DLG3: variants seen among roughly 807,000 people sequenced by gnomAD.
DLG3 encodes the protein discs large MAGUK scaffold protein 3.
A neutral mutation model predicts 64.1 loss-of-function variants in DLG3; 1 was observed. That is an observed-to-expected ratio of 0.02 (90% CI 0.01 to 0.07). DLG3 has a LOEUF of 0.07. Among genes scored for constraint, DLG3 ranks in the 10% least tolerant of loss-of-function variants. The pLI is 1.00. For missense variants in DLG3, 429 were observed against 669.5 expected (o/e 0.64, Z 3.96); for synonymous variants, 245 against 259.8 (o/e 0.94, Z 0.55).
intron 10 of DLG3, among the ~76,000 whole-genome samples, chrX:70,482,705 G>A (rs1208935951): frequency 3.7e-5 from 3 of 80,729 alleles, no homozygotes; most frequent in Admixed American, 1.8e-4. Context: ...TCGCTCTGTC[G>A]CCCAGGCTGG....
chrX:70,448,311 G>C (rs966128451), intron 1 of DLG3, among the ~76,000 whole-genome samples: 1 of 112,058 alleles, frequency 8.9e-6, no homozygotes, highest in African/African-American at 3.2e-5. Flanking sequence ...ATATCCTATT[G>C]CTCTGTCACT....
chrX:70,446,535 G>A (rs781403071), intron 1 of DLG3, among the ~76,000 whole-genome samples: 1 of 112,693 alleles, frequency 8.9e-6, no homozygotes, highest in East Asian at 2.8e-4. Context: ...GCAGAGACTG[G>A]CCCCAGTGGG....
intron 12 of DLG3, chrX:70,493,277 C>T (rs189016022): frequency 1.0e-5 from 7 of 681,222 alleles, no homozygotes; most frequent in East Asian, 3.6e-5. Flanking sequence ...TTTAGCTCAC[C>T]GTTGTCTCCA....
Position 70,502,350 on chromosome X carries a change from G to T in DLG3, c.*81G>T, listed in dbSNP as rs2087580552. 1.4e-6 allele frequency: 1 copy of T among 720,067 alleles called. No individual in the cohort carries two copies. Among genetic ancestry groups the T allele is most frequent in the Non-Finnish European group, 2.2e-6 (1 of 462,233 alleles). 59.3% of individuals were successfully genotyped at this position (720,067 alleles called of 1,213,427 possible). ...CCTCCCTCTTCATTCCTGTCCCCAT[G>T]GGGAGAACAAATGCTACTGTTCTTG... On this transcript the variant is annotated 3_prime_UTR_variant, in exon 19 of 19. Coordinates refer to ENST00000374360, the MANE Select transcript of DLG3 (RefSeq NM_021120.4).
chrX:70,475,355 T>TA (rs2087036246), intron 9 of DLG3, among the ~76,000 whole-genome samples: 1 of 111,298 alleles, frequency 9.0e-6, no homozygotes. Context: ...CATGGATGAT[T>TA]TTTTGTTTGT....
chrX:70,453,911 A>C, intron 8 of DLG3, 118 bp downstream of exon 8: 2 of 737,495 alleles, frequency 2.7e-6, no homozygotes, highest in Non-Finnish European at 3.9e-6. Flanking sequence ...TAAGGACTGG[A>C]GAAAACTTCT....
intron 9 of DLG3, among the ~76,000 whole-genome samples, chrX:70,473,401 C>T (rs1432748998): frequency 2.7e-5 from 3 of 110,024 alleles, no homozygotes; most frequent in African/African-American, 1.0e-4. Flanking sequence ...TGAACTCCAC[C>T]CCCTTCCCAC....
chrX:70,494,933 T>C (rs2087426114), intron 12 of DLG3, among the ~76,000 whole-genome samples: 2 of 112,595 alleles, frequency 1.8e-5, no homozygotes, highest in Non-Finnish European at 3.8e-5. Flanking sequence ...TCTGCCTACC[T>C]GGCACACGCG....
intron 13 of DLG3, chrX:70,497,301 C>T (rs1189171982): frequency 2.0e-6 from 2 of 979,759 alleles, no homozygotes; most frequent in Admixed American, 2.2e-5. Context: ...TGCACAGCTG[C>T]CATTGCTGCT....
At chrX:70,482,436 T>C (rs1285637922) in intron 10 of DLG3, among the ~76,000 whole-genome samples, 1 of 111,610 alleles carries the variant, frequency 9.0e-6, no homozygotes, top group Non-Finnish European at 1.9e-5. Flanking sequence ...AGAGTAGATA[T>C]TATGATTCCC....
At chrX:70,479,525 G>C (rs1398116268) in intron 10 of DLG3, among the ~76,000 whole-genome samples, 1 of 112,144 alleles carries the variant, frequency 8.9e-6, no homozygotes, top group Non-Finnish European at 1.9e-5. Flanking sequence ...TTGGGTGATT[G>C]TTGCTAGTCA....
At chrX:70,493,327 T>G (rs2087393093) in intron 12 of DLG3, 2 of 853,997 alleles carry the variant, frequency 2.3e-6, no homozygotes, top group Non-Finnish European at 3.3e-6. Context: ...CATTGTTCTG[T>G]TTTTTTTTTT....
chrX:70,472,798 C>A (rs2086992239), intron 9 of DLG3, among the ~76,000 whole-genome samples: 1 of 111,859 alleles, frequency 8.9e-6, no homozygotes, highest in Admixed American at 9.5e-5. Flanking sequence ...CTGATCATGT[C>A]CTTCCGTTCC....
intron 17 of DLG3, 33 bp from the exon 18 acceptor site, chrX:70,500,864 TG>T: frequency 9.0e-7 from 1 of 1,115,607 alleles, no homozygotes; most frequent in Non-Finnish European, 1.2e-6. Flanking sequence ...ACATAAGATC[TG>T]GTTCAGAACT....
chrX:70,449,050 C>T, intron 2 of DLG3, 87 bp downstream of exon 2: 1 of 1,037,055 alleles, frequency 9.6e-7, no homozygotes, highest in Non-Finnish European at 1.3e-6. Context: ...GTTTCAAGAC[C>T]CATGGGGGGA....
intron 10 of DLG3, among the ~76,000 whole-genome samples, chrX:70,489,193 C>T (rs1411357389): frequency 8.9e-6 from 1 of 112,312 alleles, no homozygotes; most frequent in Non-Finnish European, 1.9e-5. Flanking sequence ...GTACAATTCC[C>T]AATGTGCAGA....
intron 9 of DLG3, among the ~76,000 whole-genome samples, chrX:70,464,888 G>A (rs928639766): frequency 9.0e-5 from 10 of 111,718 alleles, no homozygotes; most frequent in East Asian, 8.5e-4. Flanking sequence ...TCTGGGAGGC[G>A]GAGGTTGCAG....
chrX:70,461,447 A>T (rs1485125827), intron 9 of DLG3, among the ~76,000 whole-genome samples: 1 of 112,097 alleles, frequency 8.9e-6, no homozygotes, highest in Non-Finnish European at 1.9e-5. Flanking sequence ...CTATGTTATT[A>T]GGCAACTAGA....
intron 1 of DLG3, among the ~76,000 whole-genome samples, chrX:70,448,062 A>G (rs1413160263): frequency 8.9e-6 from 1 of 111,851 alleles, no homozygotes; most frequent in South Asian, 3.8e-4. Context: ...CTGCTGGGAA[A>G]AACAAAGGGC....
Sources: allele counts gnomAD v4.1 joint callset (sites outside exome capture counted in the v4.1 genomes callset), GRCh38; gene constraint gnomAD v4.1.1; transcripts MANE v1.5; gene names NCBI Gene and HGNC (gene_info 2026-07-23, HGNC 2026-07-21).